ETS1: variants seen among roughly 807,000 people sequenced by gnomAD.
ETS1 encodes ETS proto-oncogene 1, transcription factor.
ETS1 carries 15 observed loss-of-function variants against 58.6 expected under a neutral mutation model. The ratio of observed to expected loss-of-function variants is 0.26; its 90% CI spans 0.17 to 0.39. The LOEUF is 0.39. ETS1 is among the 10% of genes least tolerant of loss of function. The probability of loss-of-function intolerance (pLI) is 1.00; values close to 1 mark genes in which losing one functional copy is unlikely to be tolerated. For missense variants in ETS1, 417 were observed against 610.5 expected, an observed-to-expected ratio of 0.68 and a Z score of 3.34; for synonymous variants, 214 against 218.2, an observed-to-expected ratio of 0.98 and a Z score of 0.17.
chr11:128,573,278 G>A, intron 1 of ETS1, 134 bp from the exon 2 acceptor site: 1 of 631,538 alleles, frequency 1.6e-6, no homozygotes, highest in South Asian at 1.8e-5. Flanking sequence ...GCATGGCAGG[G>A]AAAGCAATGG....
At chr11:128,492,445 G>C (rs767684066) in intron 3 of ETS1, among the ~76,000 whole-genome samples, 1 of 152,148 alleles carries the variant, frequency 6.6e-6, no homozygotes, top group Non-Finnish European at 1.5e-5. Flanking sequence ...AAGAACAGAA[G>C]GGCTCCCTAG....
chr11:128,521,731 G>GTCCTCC (rs760101577), intron 3 of ETS1, among the ~76,000 whole-genome samples: 32 of 151,666 alleles, frequency 2.1e-4, no homozygotes, highest in African/African-American at 7.3e-4. Flanking sequence ...GCCACCAACA[G>GTCCTCC]TCCTCCTCCT....
intron 3 of ETS1, among the ~76,000 whole-genome samples, chr11:128,520,259 C>T (rs1174836297): frequency 6.6e-6 from 1 of 152,194 alleles, no homozygotes; most frequent in Non-Finnish European, 1.5e-5. Context: ...AAAAAATTGC[C>T]TCAGCTGTTC....
chr11:128,540,029 T>C (rs12366104), intron 3 of ETS1, among the ~76,000 whole-genome samples: 4 of 152,148 alleles, frequency 2.6e-5, no homozygotes, highest in Admixed American at 6.5e-5. Flanking sequence ...AATAAAAATG[T>C]TGCTGGGCGC....
intron 3 of ETS1, among the ~76,000 whole-genome samples, chr11:128,525,144 C>A (rs143269804): frequency 2.6e-5 from 4 of 152,044 alleles, no homozygotes; most frequent in Non-Finnish European, 5.9e-5. Context: ...CCTTAGACTT[C>A]GGCTAATTAT....
rs1565420888 is a variant in ETS1 at position 128,585,003 on chromosome 11, GAAAGA to G, written c.-15+2480_-15+2484del. 5.0e-3 allele frequency among the ~76,000 whole-genome samples: 183 copies of G among 36,346 alleles called. 23 individuals carry two copies. Among genetic ancestry groups the G allele is most frequent in the African/African-American group, 0.016 (95 of 5,824 alleles). The allele number at this position is 36,346 out of a possible 152,430, so 23.8% of individuals were successfully genotyped here. A position where few individuals can be genotyped will look rare whatever the true frequency, so the allele number is the denominator to read the frequency against. On this transcript the variant is annotated intron_variant, in intron 1 of 9. Transcript: ENST00000392668. ...GAAAGAAAGAAAGGAAGGAAGGAAG[GAAAGA>G]AAGGAAAGAAAGAAGAAAGAAAGAA...
At chr11:128,566,559 A>C (rs201882961) in intron 2 of ETS1, among the ~76,000 whole-genome samples, 1 of 152,176 alleles carries the variant, frequency 6.6e-6, no homozygotes, top group Non-Finnish European at 1.5e-5. Flanking sequence ...TAAGGTGGGC[A>C]GATCACGAGG....
At position 128,549,714 on chromosome 11, in the gene ETS1, G is replaced by A. The variant is rs1386863362; in HGVS notation, c.214+6577C>T. On this transcript the variant is annotated intron_variant, in intron 3 of 9. Coordinates refer to ENST00000392668, the MANE Select transcript of ETS1 (RefSeq NM_001143820.2). The surrounding 1 kb of genome is among the most constrained non-coding windows in gnomAD (Gnocchi z 4.3). The stretch of plus-strand genomic sequence containing the variant: ...TTCCTTCCCGGGGACCTAAAGGGGT[G>A]ATTTACATTTGTAAAGGCCTTTCCA... Among the ~76,000 whole-genome samples the A allele has an allele frequency of 6.6e-6, 1 of 152,116 alleles. No individual in the cohort carries two copies. Among genetic ancestry groups the A allele is most frequent in the East Asian group, 1.9e-4 (1 of 5,178 alleles).
At position 128,585,100 on chromosome 11, in the gene ETS1, A is replaced by AAAGG. The variant is rs1304220663; in HGVS notation, c.-15+2384_-15+2387dup. Among the ~76,000 whole-genome samples, 9 of 29,378 alleles carry AAAGG rather than the reference A, an allele frequency of 3.1e-4. 2 individuals carry two copies. The highest frequency in any genetic ancestry group is 2.4e-4 in the Non-Finnish European group (4 of 16,702). 19.3% of individuals were successfully genotyped at this position (29,378 alleles called of 152,430 possible). ...AGAGAAAGAAAGAAAGGAAAGAAAG[A>AAAGG]AAGGAAGGAAGGAAGGAAAGAAAGA... is the stretch of plus-strand genomic sequence containing the variant. On this transcript the variant is annotated intron_variant, in intron 1 of 9. Transcript: ENST00000392668.
rs982214823 is a variant in ETS1 at position 128,480,977 on chromosome 11, G to A, written c.863-526C>T. The stretch of plus-strand genomic sequence containing the variant: ...CATTAGACTAAGAGCAGATTAGCCT[G>A]TTTTGACCTTGGAACTAAGTGCTAT... On this transcript the variant is annotated intron_variant, in intron 7 of 9. Coordinates refer to ENST00000392668, the MANE Select transcript of ETS1 (RefSeq NM_001143820.2). Among the ~76,000 whole-genome samples the A allele has an allele frequency of 2.0e-5, 3 of 152,306 alleles. No individual in the cohort carries two copies. In the East Asian group the frequency reaches 5.8e-4, roughly 29 times the overall value.
At chr11:128,585,918 G>A (rs1865022426) in intron 1 of ETS1, among the ~76,000 whole-genome samples, 1 of 152,106 alleles carries the variant, frequency 6.6e-6, no homozygotes, top group Non-Finnish European at 1.5e-5. Context: ...ATTATCGTCC[G>A]GGACCGGCCA....
chr11:128,523,491 T>C (rs1863741667), intron 3 of ETS1, among the ~76,000 whole-genome samples: 1 of 152,238 alleles, frequency 6.6e-6, no homozygotes, highest in South Asian at 2.1e-4. Flanking sequence ...AGAAAGCTAT[T>C]TTTAATGTTT....
intron 1 of ETS1, among the ~76,000 whole-genome samples, chr11:128,576,264 T>A (rs895899307): frequency 3.3e-5 from 5 of 152,202 alleles, no homozygotes; most frequent in Non-Finnish European, 7.3e-5. Flanking sequence ...TTTTTCCACT[T>A]GTAGATTGTG....
chr11:128,497,148 A>G (rs541715727), intron 3 of ETS1, among the ~76,000 whole-genome samples: 23 of 152,318 alleles, frequency 1.5e-4, no homozygotes, highest in Non-Finnish European at 1.9e-4. Flanking sequence ...CACTGCAAAG[A>G]AGGGAGAAGA....
chr11:128,522,819 G>C (rs1486268454), intron 3 of ETS1, among the ~76,000 whole-genome samples: 3 of 152,256 alleles, frequency 2.0e-5, no homozygotes, highest in African/African-American at 7.2e-5. Context: ...CGAGCGTGCA[G>C]GCAGGCGCAG....
chr11:128,492,855 C>T (rs116902025), intron 3 of ETS1, among the ~76,000 whole-genome samples: 1,891 of 152,212 alleles, frequency 0.012, 19 homozygotes, highest in Non-Finnish European at 0.02. Context: ...AGAGAAGAAA[C>T]AACTGTAGCA....
chr11:128,520,039 T>C (rs911543564), intron 3 of ETS1, among the ~76,000 whole-genome samples: 2 of 152,246 alleles, frequency 1.3e-5, no homozygotes, highest in South Asian at 4.1e-4. Context: ...ATACAAAAGA[T>C]GACCAATGGC....
rs529041461 is a variant in ETS1 at position 128,507,526 on chromosome 11, G to A, written c.215-16950C>T. On this transcript the variant is annotated intron_variant, in intron 3 of 9. Coordinates refer to ENST00000392668, the MANE Select transcript of ETS1 (RefSeq NM_001143820.2). ...CAGTGGCGCACAGCTGTTTAAAGAC[G>A]CAGGATCCCCTTTTCTAGGTGCCAG... 2.6e-5 allele frequency among the ~76,000 whole-genome samples: 4 copies of A among 152,318 alleles called. No homozygotes were observed. In the South Asian group the frequency reaches 6.2e-4, roughly 24 times the overall value.
At chr11:128,481,390 C>T (rs1862480965) in intron 7 of ETS1, among the ~76,000 whole-genome samples, 1 of 149,766 alleles carries the variant, frequency 6.7e-6, no homozygotes, top group South Asian at 2.1e-4. Context: ...GGAGAAATTT[C>T]CATTGGCAAA....
Sources: allele counts gnomAD v4.1 joint callset (sites outside exome capture counted in the v4.1 genomes callset), GRCh38; gene constraint gnomAD v4.1.1; non-coding constraint Gnocchi (gnomAD v3.1); transcripts MANE v1.5; gene names NCBI Gene and HGNC (gene_info 2026-07-23, HGNC 2026-07-21).